RTTN: variants seen among roughly 807,000 people sequenced by gnomAD.
The protein encoded by RTTN is rotatin.
In RTTN, 182 loss-of-function variants were observed where a neutral mutation model predicts 269.2. That is an observed-to-expected ratio of 0.68 (90% CI 0.60 to 0.76). The LOEUF (loss-of-function observed/expected upper bound fraction) is 0.76. Among genes scored for constraint, RTTN ranks in the 30% least tolerant of loss-of-function variants. The pLI is 0.00. For synonymous variants in RTTN, 1,006 were observed against 963.5 expected (o/e 1.04, Z -0.82); for missense variants, 2,545 against 2,608.6 (o/e 0.98, Z 0.53).
intron 46 of RTTN, among the ~76,000 whole-genome samples, chr18:70,014,964 T>C (rs537950244): frequency 3.9e-5 from 6 of 152,330 alleles, no homozygotes; most frequent in African/African-American, 1.4e-4. Context: ...GGAGTTTCTA[T>C]CTTTTCAGTT....
intron 46 of RTTN, among the ~76,000 whole-genome samples, chr18:70,010,327 A>T (rs1195359870): frequency 6.6e-6 from 1 of 152,232 alleles, no homozygotes; most frequent in Non-Finnish European, 1.5e-5. Flanking sequence ...AACTGACCAC[A>T]TACTTGGAAG....
intron 46 of RTTN, among the ~76,000 whole-genome samples, chr18:70,009,562 C>G (rs558627656): frequency 6.6e-6 from 1 of 152,148 alleles, no homozygotes; most frequent in Non-Finnish European, 1.5e-5. Context: ...CCCTACCTTA[C>G]AAGAGCTCCT....
At chr18:70,205,093 G>A in intron 2 of RTTN, 35 bp downstream of exon 2, 1 of 1,579,002 alleles carries the variant, frequency 6.3e-7, no homozygotes, top group Non-Finnish European at 8.7e-7. Flanking sequence ...CAAGTCACTC[G>A]TCTGATTATT....
At chr18:70,156,874 T>C (rs1160643980) in intron 14 of RTTN, among the ~76,000 whole-genome samples, 1 of 152,164 alleles carries the variant, frequency 6.6e-6, no homozygotes, top group Non-Finnish European at 1.5e-5. Context: ...AGAGCAGGGC[T>C]ATCTTTCCCA....
At chr18:70,096,748 G>C (rs919285914) in intron 28 of RTTN, among the ~76,000 whole-genome samples, 6 of 152,202 alleles carry the variant, frequency 3.9e-5, no homozygotes, top group African/African-American at 1.4e-4. Context: ...GCTGGGAGGT[G>C]TCTCCCAGTC....
intron 32 of RTTN, among the ~76,000 whole-genome samples, chr18:70,079,551 T>C (rs1402430297): frequency 6.6e-6 from 1 of 152,094 alleles, no homozygotes; most frequent in Non-Finnish European, 1.5e-5. Context: ...GGTTATCTTC[T>C]AGCATAGTGG....
intron 11 of RTTN, among the ~76,000 whole-genome samples, chr18:70,175,045 C>CAA (rs5825998): frequency 0.1 from 8,904 of 86,578 alleles, 389 homozygotes; most frequent in South Asian, 0.14. Context: ...AAACCAAAAC[C>CAA]AAAAAAAAAA....
chr18:70,168,894 A>G lies in RTTN; in HGVS notation c.1650T>C (p.Ile550=). 2 of 1,613,090 alleles carry G rather than the reference A, an allele frequency of 1.2e-6. No individual in the cohort carries two copies. The highest frequency in any genetic ancestry group is 1.7e-6 in the Non-Finnish European group (2 of 1,179,672). Residue 550 remains isoleucine (I), a synonymous_variant, in exon 12 of 49, where the codon ATT becomes ATC. Transcript: ENST00000640769. The part of the protein sequence containing the change: ...YKRTAEAVYS[I]ECTCNFLSDI... ...CAGACAGGAAGTTACAGGTGCATTC[A>G]ATTGAATAAACGGCCTCTGCAGTTC... is the stretch of plus-strand genomic sequence containing the variant.
chr18:70,031,053 C>T lies in RTTN; in HGVS notation c.5542-72G>A, dbSNP rs2056998443. On this transcript the variant is annotated intron_variant, in intron 40 of 48. Transcript: ENST00000640769. ...GAGCAAAACTGTTGTGAATAAAGAACATTTTCTACTTAAAAGATATTGCTA... is the reference window on the plus strand; with the variant it reads ...GAGCAAAACTGTTGTGAATAAAGAATATTTTCTACTTAAAAGATATTGCTA... 7.1e-6 allele frequency: 7 copies of T among 983,684 alleles called. No individual in the cohort carries two copies. In the South Asian group the frequency reaches 9.5e-5, roughly 13 times the overall value. The allele number at this position is 983,684 out of a possible 1,614,324, so 60.9% of individuals were successfully genotyped here. A position where few individuals can be genotyped will look rare whatever the true frequency, so the allele number is the denominator to read the frequency against.
At chr18:70,087,964 A>G (rs1451649846) in intron 31 of RTTN, 25 bp downstream of exon 31, 3 of 1,606,900 alleles carry the variant, frequency 1.9e-6, no homozygotes, top group African/African-American at 1.3e-5. Flanking sequence ...TTTCTAAGGA[A>G]AAAAAGGAGA....
At chr18:70,112,327 G>A (rs1422121127) in intron 27 of RTTN, among the ~76,000 whole-genome samples, 4 of 151,770 alleles carry the variant, frequency 2.6e-5, no homozygotes, top group Non-Finnish European at 5.9e-5. Flanking sequence ...AATGTAAACG[G>A]GCTAAATGCC....
intron 40 of RTTN, among the ~76,000 whole-genome samples, chr18:70,042,170 C>A (rs2057360876): frequency 1.3e-5 from 2 of 151,042 alleles, no homozygotes; most frequent in South Asian, 4.2e-4. Context: ...ATACAAAGTA[C>A]AGGGAATGTC....
chr18:70,186,998 A>G (rs1027096994), intron 10 of RTTN, among the ~76,000 whole-genome samples: 1 of 152,198 alleles, frequency 6.6e-6, no homozygotes, highest in Non-Finnish European at 1.5e-5. Flanking sequence ...CTGCACACGT[A>G]CCGCTGAAGC....
At chr18:70,099,207 C>T (rs901271015) in intron 28 of RTTN, among the ~76,000 whole-genome samples, 1 of 152,168 alleles carries the variant, frequency 6.6e-6, no homozygotes, top group African/African-American at 2.4e-5. Flanking sequence ...TACAGTTCCA[C>T]CAACAGTGTA....
chr18:70,039,190 A>T (rs1046047693), intron 40 of RTTN, among the ~76,000 whole-genome samples: 9 of 152,140 alleles, frequency 5.9e-5, no homozygotes, highest in Non-Finnish European at 8.8e-5. Context: ...TTAGAGAAAG[A>T]TCAATATTCA....
chr18:70,030,831 G>C, intron 41 of RTTN, 45 bp downstream of exon 41: 1 of 1,361,490 alleles, frequency 7.3e-7, no homozygotes, highest in South Asian at 1.2e-5. Context: ...CAAAACATAT[G>C]AATTGATAAT....
At chr18:70,074,938 G>C (rs1213362823) in intron 33 of RTTN, 1 of 152,050 alleles carries the variant, frequency 6.6e-6, no homozygotes, top group African/African-American at 2.4e-5. Flanking sequence ...TCACAAGAAG[G>C]ATAAAAAAAC....
At chr18:70,116,479 G>A (rs2059605443) in intron 26 of RTTN, among the ~76,000 whole-genome samples, 1 of 151,844 alleles carries the variant, frequency 6.6e-6, no homozygotes, top group Non-Finnish European at 1.5e-5. Flanking sequence ...GTGAACCTCA[G>A]CAATACCACT....
intron 12 of RTTN, among the ~76,000 whole-genome samples, chr18:70,167,969 A>G (rs1005447824): frequency 1.3e-5 from 2 of 152,156 alleles, no homozygotes; most frequent in African/African-American, 4.8e-5. Context: ...CAACACAGTG[A>G]GACCTCATCT....
Sources: allele counts gnomAD v4.1 joint callset (sites outside exome capture counted in the v4.1 genomes callset), GRCh38; gene constraint gnomAD v4.1.1; transcripts MANE v1.5; gene names NCBI Gene and HGNC (gene_info 2026-07-23, HGNC 2026-07-21).